SRRM3: variants seen among roughly 807,000 people sequenced by gnomAD.
The protein encoded by SRRM3 is serine/arginine repetitive matrix protein 3.
A neutral mutation model predicts 66.2 loss-of-function variants in SRRM3; 27 were observed. That is an observed-to-expected ratio of 0.41 (90% CI 0.30 to 0.56). The LOEUF (loss-of-function observed/expected upper bound fraction) is 0.56, where lower values mean the gene tolerates loss of function less well. Among genes scored for constraint, SRRM3 ranks in the 20% least tolerant of loss-of-function variants. The probability of loss-of-function intolerance (pLI) is 0.32; values close to 1 mark genes in which losing one functional copy is unlikely to be tolerated. For synonymous variants in SRRM3, 391 were observed against 414.9 expected (o/e 0.94, Z 0.70); for missense variants, 918 against 991.9 (o/e 0.93, Z 1.00).
intron 2 of SRRM3, among the ~76,000 whole-genome samples, chr7:76,238,308 C>T (rs565679132): frequency 5.3e-5 from 8 of 151,776 alleles, no homozygotes; most frequent in Non-Finnish European, 1.0e-4. Context: ...CACCAGGCAC[C>T]CCTGCTCTTT....
chr7:76,250,745 C>CAAAT lies in SRRM3; in HGVS notation c.335+2471_335+2474dup, dbSNP rs532596700. On this transcript the variant is annotated intron_variant, in intron 3 of 14. Transcript: ENST00000611745. ...CCTGGGTGACGAAGAAAGACTCCAT[C>CAAAT]AAATAAATAAATAAATAAGACTAAT... Among the ~76,000 whole-genome samples the CAAAT allele has an allele frequency of 3.7e-4, 56 of 152,250 alleles. No homozygotes were observed. In the South Asian group the frequency reaches 8.1e-3, roughly 22 times the overall value.
intron 1 of SRRM3, among the ~76,000 whole-genome samples, chr7:76,210,306 A>G (rs529553459): frequency 2.0e-5 from 3 of 152,276 alleles, no homozygotes; most frequent in East Asian, 3.9e-4. Flanking sequence ...GGGAGGCAGG[A>G]AAGCTGGAAC....
rs1554601471 is a variant in SRRM3, at chr7:76,209,198, C to T, written c.-40+7131C>T. ...CTATACAATCGACATTTAATGAGGG[C>T]CTCCTGTTTTCTGGGCACAGCACGA... On this transcript the variant is annotated intron_variant, in intron 1 of 14. Coordinates refer to ENST00000611745, the MANE Select transcript of SRRM3 (RefSeq NM_001110199.3). Among the ~76,000 whole-genome samples the T allele has an allele frequency of 2.0e-5, 3 of 152,214 alleles. No homozygotes were observed. In the South Asian group the frequency reaches 6.2e-4, roughly 31 times the overall value.
intron 1 of SRRM3, among the ~76,000 whole-genome samples, chr7:76,218,842 C>A (rs1204336189): frequency 1.3e-5 from 2 of 151,620 alleles, no homozygotes; most frequent in African/African-American, 4.8e-5. Context: ...TCACACCTGG[C>A]CTTTTTGTTT....
rs2117131929 is a variant in SRRM3 at position 76,286,356 on chromosome 7, A to G, written c.*513A>G. 1 of 155,198 alleles carries G rather than the reference A, an allele frequency of 6.4e-6. No individual in the cohort carries two copies. Among genetic ancestry groups the G allele is most frequent in the Middle Eastern group, 3.0e-3 (1 of 336 alleles). The allele number at this position is 155,198 out of a possible 1,614,324, so 9.6% of individuals were successfully genotyped here. Reference sequence around the variant, plus strand: ...GCACATGGGTTTGGAGCTAGACAGAAGGAAGAACAGCCTAACCCTTGGTGC... The same window carrying G: ...GCACATGGGTTTGGAGCTAGACAGAGGGAAGAACAGCCTAACCCTTGGTGC... On this transcript the variant is annotated 3_prime_UTR_variant, in exon 15 of 15. Transcript: ENST00000611745.
intron 1 of SRRM3, among the ~76,000 whole-genome samples, chr7:76,209,297 C>T (rs2116932127): frequency 6.6e-6 from 1 of 152,290 alleles, no homozygotes; most frequent in South Asian, 2.1e-4. Context: ...GAAAGGAAGG[C>T]AGTCATGAAA....
chr7:76,253,114 C>T (rs569858174), intron 3 of SRRM3, among the ~76,000 whole-genome samples: 1 of 151,928 alleles, frequency 6.6e-6, no homozygotes, highest in Non-Finnish European at 1.5e-5. Context: ...TTGCAGTGAG[C>T]CAAAATCATG....
intron 2 of SRRM3, among the ~76,000 whole-genome samples, chr7:76,247,807 A>G (rs1801478110): frequency 6.6e-6 from 1 of 151,980 alleles, no homozygotes; most frequent in Non-Finnish European, 1.5e-5. Context: ...TGATTCTCCT[A>G]CCTCAGCCTC....
chr7:76,276,478 A>G (rs1554611169), intron 11 of SRRM3, among the ~76,000 whole-genome samples: 2 of 152,204 alleles, frequency 1.3e-5, no homozygotes, highest in Non-Finnish European at 2.9e-5. Flanking sequence ...ATGGGATCAT[A>G]GAGGAGCGGA....
chr7:76,224,077 CTT>C (rs782746897), intron 1 of SRRM3, among the ~76,000 whole-genome samples: 5 of 60,944 alleles, frequency 8.2e-5, no homozygotes, highest in African/African-American at 3.7e-4. Context: ...TCCCTTCCCT[CTT>C]TTTTTTTTTT....
chr7:76,214,807 T>C lies in SRRM3; in HGVS notation c.-40+12740T>C, dbSNP rs150764649. On this transcript the variant is annotated intron_variant, in intron 1 of 14. Transcript: ENST00000611745. ...AAAAAAAAATAGAGATGGGGTCTTG[T>C]TATGTTGCCCAGGCTGGTCTAGAAC... 8.3e-3 allele frequency among the ~76,000 whole-genome samples: 1,267 copies of C among 151,994 alleles called. 25 individuals carry two copies. Among genetic ancestry groups the C allele is most frequent in the African/African-American group, 0.029 (1,192 of 41,466 alleles).
intron 1 of SRRM3, among the ~76,000 whole-genome samples, chr7:76,222,273 G>A (rs1356072055): frequency 6.6e-6 from 1 of 152,110 alleles, no homozygotes; most frequent in African/African-American, 2.4e-5. Flanking sequence ...GGACATGGTT[G>A]TATGCACCTG....
intron 1 of SRRM3, among the ~76,000 whole-genome samples, chr7:76,206,966 C>T (rs934505093): frequency 3.9e-5 from 6 of 152,128 alleles, no homozygotes; most frequent in Admixed American, 1.3e-4. Context: ...AGGGTCCAGG[C>T]GACTTCCTCA....
At chr7:76,273,151 T>C (rs1264206000) in intron 11 of SRRM3, 1 of 152,270 alleles carries the variant, frequency 6.6e-6, no homozygotes, top group African/African-American at 2.4e-5. Context: ...CTCCTTCTCT[T>C]CCCATTTCTA....
intron 1 of SRRM3, among the ~76,000 whole-genome samples, chr7:76,229,776 C>T (rs1281902362): frequency 6.9e-6 from 1 of 145,440 alleles, no homozygotes; most frequent in Admixed American, 7.0e-5. Flanking sequence ...CGGAGTCTCG[C>T]TCAATTGCCC....
intron 1 of SRRM3, among the ~76,000 whole-genome samples, chr7:76,231,650 C>A (rs560108861): frequency 3.3e-5 from 5 of 152,366 alleles, no homozygotes; most frequent in South Asian, 4.1e-4. Context: ...AATGAAAGGA[C>A]GGTTCCCTCC....
chr7:76,259,821 G>C, intron 3 of SRRM3, 85 bp from the exon 4 acceptor site: 2 of 1,581,112 alleles, frequency 1.3e-6, no homozygotes, highest in Non-Finnish European at 1.7e-6. Context: ...CAGACTTGCG[G>C]GGCTAGGTCA....
At chr7:76,218,410 C>T (rs1379898667) in intron 1 of SRRM3, among the ~76,000 whole-genome samples, 1 of 152,088 alleles carries the variant, frequency 6.6e-6, no homozygotes, top group African/African-American at 2.4e-5. Flanking sequence ...GTAGAACATT[C>T]TCCCCACCCT....
At chr7:76,234,548 A>G (rs1801093823) in intron 1 of SRRM3, among the ~76,000 whole-genome samples, 1 of 152,118 alleles carries the variant, frequency 6.6e-6, no homozygotes, top group Non-Finnish European at 1.5e-5. Context: ...CCCTGGGAGC[A>G]GACTGGGAGG....
Sources: allele counts gnomAD v4.1 joint callset (sites outside exome capture counted in the v4.1 genomes callset), GRCh38; gene constraint gnomAD v4.1.1; transcripts MANE v1.5; gene names NCBI Gene and HGNC (gene_info 2026-07-23, HGNC 2026-07-21).